KLF12: variants seen among roughly 807,000 people sequenced by gnomAD.
KLF12 encodes the protein Krueppel-like factor 12.
Under a neutral mutation model 37.8 loss-of-function variants are expected in KLF12, and 9 were observed. The observed-to-expected ratio is 0.24, with a 90% CI of 0.14 to 0.42. The LOEUF is 0.42. Ranked by LOEUF, KLF12 falls within the 10% of genes least tolerant of loss-of-function variation. KLF12 has a pLI of 1.00. For synonymous variants in KLF12, 208 were observed against 202.1 expected, an observed-to-expected ratio of 1.03 and a Z score of -0.25; for missense variants, 411 against 516.0, an observed-to-expected ratio of 0.80 and a Z score of 1.97.
chr13:73,862,053 G>C (rs1885953915), intron 3 of KLF12, among the ~76,000 whole-genome samples: 2 of 104,150 alleles, frequency 1.9e-5, no homozygotes, highest in South Asian at 8.7e-4. Flanking sequence ...AGATATAGTT[G>C]GGTTTTTTTT....
At chr13:74,274,267 A>C in the KLF12 span, among the ~76,000 whole-genome samples, 2 of 152,142 alleles carry the variant, frequency 1.3e-5, no homozygotes, top group Non-Finnish European at 2.9e-5. Context: ...TCCAGATGGC[A>C]CTTAAAAAAA....
chr13:73,892,214 T>C (rs981545611), intron 3 of KLF12, among the ~76,000 whole-genome samples: 4 of 152,068 alleles, frequency 2.6e-5, no homozygotes, highest in South Asian at 2.1e-4. Context: ...TATTGTATAA[T>C]CTGAATGGTA....
chr13:74,135,579 C>T (rs1878522635), upstream of KLF12, among the ~76,000 whole-genome samples: 2 of 150,630 alleles, frequency 1.3e-5, no homozygotes, highest in South Asian at 2.1e-4. Context: ...GGGGAGCAGA[C>T]GGGGCGGAAG....
intron 5 of KLF12, among the ~76,000 whole-genome samples, chr13:73,797,937 T>TCG (rs1253234640): frequency 6.6e-6 from 1 of 152,158 alleles, no homozygotes; most frequent in African/African-American, 2.4e-5. Context: ...TCCTGATTGT[T>TCG]TTTTGGCGTT....
At chr13:73,816,778 C>T (rs1429445778) in intron 4 of KLF12, among the ~76,000 whole-genome samples, 1 of 152,130 alleles carries the variant, frequency 6.6e-6, no homozygotes, top group African/African-American at 2.4e-5. Context: ...TCCCCTTTTC[C>T]CTTGCTCTTT....
At chr13:73,977,404 C>G (rs1891560838) in intron 2 of KLF12, among the ~76,000 whole-genome samples, 1 of 152,126 alleles carries the variant, frequency 6.6e-6, no homozygotes, top group African/African-American at 2.4e-5. Flanking sequence ...CCTTGAACTA[C>G]CCCATATAGC....
intron 1 of KLF12, among the ~76,000 whole-genome samples, chr13:74,131,606 C>T (rs7990239): frequency 0.97 from 147,319 of 152,284 alleles, 71,447 homozygotes; most frequent in Middle Eastern, 1. Context: ...TTTCAATAAA[C>T]AGTAATAAAA....
At chr13:74,142,132 T>C in the KLF12 span, among the ~76,000 whole-genome samples, 1 of 152,354 alleles carries the variant, frequency 6.6e-6, no homozygotes, top group East Asian at 1.9e-4. Flanking sequence ...ATGTAGTCCA[T>C]TTTAAATGAA....
At chr13:74,059,936 T>C (rs1873475326) in intron 1 of KLF12, among the ~76,000 whole-genome samples, 1 of 152,202 alleles carries the variant, frequency 6.6e-6, no homozygotes, top group Non-Finnish European at 1.5e-5. Context: ...TTAATTTTTG[T>C]ATATGGTGAG....
At chr13:74,198,263 T>C in the KLF12 span, among the ~76,000 whole-genome samples, 1 of 152,076 alleles carries the variant, frequency 6.6e-6, no homozygotes, top group Non-Finnish European at 1.5e-5. Context: ...CCCTGGGGTA[T>C]GGTGAAAGCA....
chr13:73,862,666 T>C (rs1164200559), intron 3 of KLF12, among the ~76,000 whole-genome samples: 1 of 152,166 alleles, frequency 6.6e-6, no homozygotes, highest in Non-Finnish European at 1.5e-5. Flanking sequence ...CAACAACATA[T>C]CTTAGCAGAA....
At chr13:74,064,759 G>A (rs947287164) in intron 1 of KLF12, among the ~76,000 whole-genome samples, 1 of 152,136 alleles carries the variant, frequency 6.6e-6, no homozygotes, top group Non-Finnish European at 1.5e-5. Context: ...TCAAATTTTA[G>A]ACCATAAAGG....
chr13:74,066,097 C>T (rs994685249), intron 1 of KLF12, among the ~76,000 whole-genome samples: 1 of 152,012 alleles, frequency 6.6e-6, no homozygotes, highest in African/African-American at 2.4e-5. Context: ...ATTATATGCT[C>T]CATCCACATC....
the KLF12 span, among the ~76,000 whole-genome samples, chr13:74,164,424 C>T: frequency 6.6e-6 from 1 of 151,864 alleles, no homozygotes; most frequent in Non-Finnish European, 1.5e-5. Context: ...TATATTACCC[C>T]AGTAGAAAGT....
chr13:74,278,972 A>G, the KLF12 span, among the ~76,000 whole-genome samples: 1 of 152,286 alleles, frequency 6.6e-6, no homozygotes, highest in African/African-American at 2.4e-5. Context: ...GACTTTGGCT[A>G]CTTTTGCCAG....
intron 2 of KLF12, among the ~76,000 whole-genome samples, chr13:73,959,856 T>C (rs1472640525): frequency 2.6e-5 from 4 of 152,176 alleles, no homozygotes; most frequent in African/African-American, 9.6e-5. Flanking sequence ...TAGTTTAGTC[T>C]GAAAGATCAG....
At chr13:73,741,473 G>A (rs977501056) in intron 6 of KLF12, among the ~76,000 whole-genome samples, 21 of 152,096 alleles carry the variant, frequency 1.4e-4, no homozygotes, top group African/African-American at 4.6e-4. Flanking sequence ...AAGAATTATG[G>A]CAAAGATTTC....
chr13:74,205,498 T>C, the KLF12 span, among the ~76,000 whole-genome samples: 1 of 152,118 alleles, frequency 6.6e-6, no homozygotes, highest in Non-Finnish European at 1.5e-5. Context: ...TACTCAAGTG[T>C]ATTGAGTAAA....
the KLF12 span, among the ~76,000 whole-genome samples, chr13:74,184,699 G>A: frequency 6.6e-6 from 1 of 152,150 alleles, no homozygotes; most frequent in Non-Finnish European, 1.5e-5. Flanking sequence ...GGCTATATGG[G>A]TTGCATTCAC....
Sources: gnomAD v4.1 joint callset for allele counts (sites outside exome capture counted in the v4.1 genomes callset) on GRCh38, gnomAD v4.1.1 for gene constraint, MANE v1.5 for transcripts, NCBI Gene and HGNC (gene_info 2026-07-23, HGNC 2026-07-21) for gene names.